RAD51B: variants seen among roughly 807,000 people sequenced by gnomAD.
The protein encoded by RAD51B is RAD51 paralog B, also known as DNA repair protein RAD51 homolog 2.
Under a neutral mutation model 42.2 loss-of-function variants are expected in RAD51B, and 38 were observed. The observed-to-expected ratio is 0.90, with a 90% CI of 0.70 to 1.18. RAD51B has a LOEUF of 1.18. Ranked by LOEUF, RAD51B falls within the 50% of genes most tolerant of loss-of-function variation. The pLI is 0.00. For synonymous variants in RAD51B, 154 were observed against 145.2 expected, an observed-to-expected ratio of 1.06 and a Z score of -0.43; for missense variants, 373 against 400.7, an observed-to-expected ratio of 0.93 and a Z score of 0.59.
At chr14:68,503,373 T>G (rs1885053329) in intron 10 of RAD51B, among the ~76,000 whole-genome samples, 1 of 106,348 alleles carries the variant, frequency 9.4e-6, no homozygotes, top group African/African-American at 3.8e-5. Flanking sequence ...CCTTTAGGAG[T>G]AGACAGAGGG....
intron 10 of RAD51B, among the ~76,000 whole-genome samples, chr14:68,518,227 C>T (rs772334357): frequency 5.3e-5 from 8 of 152,148 alleles, no homozygotes; most frequent in Non-Finnish European, 8.8e-5. Flanking sequence ...CACAACAGGG[C>T]GGGAACATGG....
intron 7 of RAD51B, among the ~76,000 whole-genome samples, chr14:68,056,247 C>T (rs2076472127): frequency 6.6e-6 from 1 of 152,092 alleles, no homozygotes; most frequent in African/African-American, 2.4e-5. Flanking sequence ...TAAACTCTGC[C>T]TCCCAGGCTC....
intron 9 of RAD51B, among the ~76,000 whole-genome samples, chr14:68,417,440 C>T (rs1221546322): frequency 6.6e-6 from 1 of 152,188 alleles, no homozygotes; most frequent in Admixed American, 6.5e-5. Context: ...CAGAGCTGCT[C>T]AAGTGTGAAA....
chr14:68,091,125 A>G (rs935394854), intron 7 of RAD51B, among the ~76,000 whole-genome samples: 2 of 152,082 alleles, frequency 1.3e-5, no homozygotes, highest in African/African-American at 4.8e-5. Flanking sequence ...GGTTGGTCCC[A>G]AGTCTTTGCT....
At chr14:68,450,631 A>G (rs1265124222) in intron 9 of RAD51B, among the ~76,000 whole-genome samples, 1 of 152,134 alleles carries the variant, frequency 6.6e-6, no homozygotes, top group Non-Finnish European at 1.5e-5. Context: ...TTCCTCACAT[A>G]GTTTTTCTCA....
intron 10 of RAD51B, among the ~76,000 whole-genome samples, chr14:68,551,730 A>C (rs1219486682): frequency 6.6e-6 from 1 of 152,226 alleles, no homozygotes; most frequent in African/African-American, 2.4e-5. Context: ...CCTTAATAAT[A>C]ATAATAATAG....
At chr14:68,530,349 A>C (rs971030266) in intron 10 of RAD51B, among the ~76,000 whole-genome samples, 5 of 147,508 alleles carry the variant, frequency 3.4e-5, no homozygotes, top group Non-Finnish European at 7.5e-5. Flanking sequence ...TCGAGGGCTG[A>C]TATGGGAGGA....
chr14:68,127,387 T>G (rs547696105), intron 7 of RAD51B, among the ~76,000 whole-genome samples: 2 of 152,304 alleles, frequency 1.3e-5, no homozygotes, highest in Admixed American at 6.5e-5. Flanking sequence ...TCTATTAGAC[T>G]GCAAATTCCA....
At chr14:68,599,502 GACCTAAGA>G (rs1371523737), downstream of RAD51B, among the ~76,000 whole-genome samples, 1 of 152,128 alleles carries the variant, frequency 6.6e-6, no homozygotes, top group Non-Finnish European at 1.5e-5. Flanking sequence ...CTGACTCTAA[GACCTAAGA>G]ACTTAATCCT....
intron 11 of RAD51B, among the ~76,000 whole-genome samples, chr14:68,654,630 C>G (rs1035490730): frequency 6.6e-6 from 1 of 152,144 alleles, no homozygotes; most frequent in Non-Finnish European, 1.5e-5. Context: ...CCCGTGGGTG[C>G]TTGGCACTTC....
intron 10 of RAD51B, among the ~76,000 whole-genome samples, chr14:68,548,299 T>TCCCAG (rs527428955): frequency 2.2e-3 from 331 of 152,176 alleles, no homozygotes; most frequent in African/African-American, 7.7e-3. Context: ...CCAGGGCCCA[T>TCCCAG]CCCAGCCCAG....
rs140687425 is a variant in RAD51B, at chr14:67,883,036, T to C, written c.453-2833T>C. ...CTGGGATTGCAGGCGTGAGCCACCG[T>C]GCCCGGCCAAGAAATTCTTTCAGCT... is the stretch of plus-strand genomic sequence containing the variant. On this transcript the variant is annotated intron_variant, in intron 5 of 10. Coordinates refer to ENST00000471583, the MANE Select transcript of RAD51B (RefSeq NM_133510.4). Among the ~76,000 whole-genome samples the C allele has an allele frequency of 9.0e-3, 1,364 of 152,322 alleles. 22 individuals are homozygous for C. Among genetic ancestry groups the C allele is most frequent in the African/African-American group, 0.031 (1,284 of 41,576 alleles).
At chr14:68,471,952 G>C (rs1037742073) in intron 10 of RAD51B, 3 of 152,506 alleles carry the variant, frequency 2.0e-5, no homozygotes, top group Admixed American at 6.5e-5. Context: ...GAGCCTCTCT[G>C]TGCAATGAAG....
chr14:68,009,149 A>C (rs1309748676), intron 7 of RAD51B, among the ~76,000 whole-genome samples: 2 of 151,986 alleles, frequency 1.3e-5, no homozygotes, highest in Non-Finnish European at 2.9e-5. Flanking sequence ...TGGAAATCAG[A>C]GTCAATTCAA....
chr14:68,487,853 C>CT, intron 10 of RAD51B, among the ~76,000 whole-genome samples: 1 of 152,184 alleles, frequency 6.6e-6, no homozygotes, highest in East Asian at 1.9e-4. Flanking sequence ...TACAATCTCA[C>CT]TGGAGGTTAG....
intron 7 of RAD51B, among the ~76,000 whole-genome samples, chr14:68,136,403 CCCCA>C (rs2078011838): frequency 1.5e-5 from 1 of 67,124 alleles, no homozygotes; most frequent in African/African-American, 3.2e-5. Flanking sequence ...CATGGTGAAA[CCCCA>C]TCTCTACTAA....
intron 7 of RAD51B, among the ~76,000 whole-genome samples, chr14:68,132,798 T>G (rs2077922772): frequency 6.6e-6 from 1 of 152,254 alleles, no homozygotes; most frequent in African/African-American, 2.4e-5. Flanking sequence ...GAAACATGAT[T>G]GCTAAGCATG....
intron 9 of RAD51B, among the ~76,000 whole-genome samples, chr14:68,426,455 A>G (rs1488985918): frequency 1.3e-5 from 2 of 152,190 alleles, no homozygotes; most frequent in East Asian, 3.8e-4. Flanking sequence ...CATGATTGTT[A>G]TGAAGTGGCA....
intron 7 of RAD51B, among the ~76,000 whole-genome samples, chr14:68,244,979 T>A (rs1165601349): frequency 6.6e-6 from 1 of 152,224 alleles, no homozygotes; most frequent in Non-Finnish European, 1.5e-5. Context: ...AGCCCCATGA[T>A]GTTTCTTTTG....
Sources: allele counts gnomAD v4.1 joint callset (sites outside exome capture counted in the v4.1 genomes callset), GRCh38; gene constraint gnomAD v4.1.1; transcripts MANE v1.5; gene names NCBI Gene and HGNC (gene_info 2026-07-23, HGNC 2026-07-21).